Variants in LRP1B observed in about 807,000 individuals in gnomAD.
LRP1B encodes the protein LDL receptor related protein 1B.
A neutral mutation model predicts 556.6 loss-of-function variants in LRP1B; 217 were observed. That is an observed-to-expected ratio of 0.39 (90% CI 0.35 to 0.44). LRP1B has a LOEUF of 0.44. Ranked by LOEUF, LRP1B falls within the 20% of genes least tolerant of loss-of-function variation. The probability of loss-of-function intolerance (pLI) is 1.00; values close to 1 mark genes in which losing one functional copy is unlikely to be tolerated. For missense variants in LRP1B, 5,053 were observed against 5,620.8 expected, an observed-to-expected ratio of 0.90 and a Z score of 3.23; for synonymous variants, 2,047 against 1,865.8, an observed-to-expected ratio of 1.10 and a Z score of -2.50.
chr2:140,880,243 C>T (rs1294394366), intron 25 of LRP1B, among the ~76,000 whole-genome samples: 16 of 152,034 alleles, frequency 1.1e-4, no homozygotes, highest in South Asian at 2.1e-4. Flanking sequence ...CATGCAGTAG[C>T]GTAAAAATAA....
intron 20 of LRP1B, among the ~76,000 whole-genome samples, chr2:140,949,662 C>G (rs1182519868): frequency 6.6e-6 from 1 of 151,466 alleles, no homozygotes; most frequent in East Asian, 1.9e-4. Flanking sequence ...GTAAGTATGC[C>G]GGGCGCGGTG....
intron 50 of LRP1B, among the ~76,000 whole-genome samples, chr2:140,515,719 A>G (rs183813415): frequency 1.8e-4 from 28 of 152,210 alleles, no homozygotes; most frequent in African/African-American, 6.0e-4. Flanking sequence ...GTGTTCAGAA[A>G]TTATGAATCC....
At chr2:141,249,369 G>A (rs1225953862) in intron 4 of LRP1B, among the ~76,000 whole-genome samples, 1 of 152,140 alleles carries the variant, frequency 6.6e-6, no homozygotes, top group Non-Finnish European at 1.5e-5. Context: ...GGCCAAGGCG[G>A]GCAGATTACT....
chr2:140,396,830 G>C (rs1266924221), intron 66 of LRP1B, among the ~76,000 whole-genome samples: 2 of 152,138 alleles, frequency 1.3e-5, no homozygotes, highest in Non-Finnish European at 2.9e-5. Flanking sequence ...GGTGGTGTTT[G>C]GTTACGAGTT....
At chr2:141,648,317 AC>A (rs1689658539) in intron 2 of LRP1B, among the ~76,000 whole-genome samples, 1 of 152,178 alleles carries the variant, frequency 6.6e-6, no homozygotes, top group Non-Finnish European at 1.5e-5. Context: ...ATTAGAAAAA[AC>A]ATAAAATTAT....
chr2:141,611,055 G>A (rs1412468877), intron 2 of LRP1B, among the ~76,000 whole-genome samples: 1 of 152,148 alleles, frequency 6.6e-6, no homozygotes, highest in Admixed American at 6.6e-5. Context: ...AAGTGAGCAA[G>A]GAAGGATCTC....
chr2:141,551,952 C>G lies in LRP1B; in HGVS notation c.206-71419G>C, dbSNP rs186905506. ...ACTTAAAATTAAGATGCCTCTACCC[C>G]CTAAATAGCCTATTATTTGACTGTT... is the stretch of plus-strand genomic sequence containing the variant. On this transcript the variant is annotated intron_variant, in intron 2 of 90. Coordinates refer to ENST00000389484, the MANE Select transcript of LRP1B (RefSeq NM_018557.3). Among the ~76,000 whole-genome samples, 6 of 152,124 alleles carry G rather than the reference C, an allele frequency of 3.9e-5. No individual in the cohort carries two copies. In the East Asian group the frequency reaches 5.8e-4, roughly 15 times the overall value.
chr2:141,812,340 TA>T lies in LRP1B; in HGVS notation c.83-1940del, dbSNP rs1208313356. 6.6e-5 allele frequency among the ~76,000 whole-genome samples: 10 copies of T among 151,320 alleles called. No individual in the cohort carries two copies. In the South Asian group the frequency reaches 1.9e-3, roughly 28 times the overall value. On this transcript the variant is annotated intron_variant, in intron 1 of 90. Coordinates refer to ENST00000389484, the MANE Select transcript of LRP1B (RefSeq NM_018557.3). ...GTAATTATTAGTAATTATTAGTAAT[TA>T]CACTGGGACAACAGGTATAAACCAA...
At chr2:141,983,421 T>C (rs1702097716) in intron 1 of LRP1B, among the ~76,000 whole-genome samples, 1 of 152,174 alleles carries the variant, frequency 6.6e-6, no homozygotes. Flanking sequence ...TTTATGCCAA[T>C]GGCAGACAAC....
chr2:141,810,734 A>G (rs1234523006), intron 1 of LRP1B, among the ~76,000 whole-genome samples: 3 of 152,114 alleles, frequency 2.0e-5, no homozygotes, highest in Admixed American at 2.0e-4. Flanking sequence ...AAGATGTTGA[A>G]TCAAAGCAGA....
chr2:141,197,826 T>G (rs1403638843), intron 6 of LRP1B, among the ~76,000 whole-genome samples: 5 of 152,118 alleles, frequency 3.3e-5, no homozygotes, highest in Non-Finnish European at 7.4e-5. Flanking sequence ...TGGGATACAT[T>G]TAAGTTGTCT....
At chr2:141,404,183 C>A (rs997612677) in intron 3 of LRP1B, among the ~76,000 whole-genome samples, 1 of 152,126 alleles carries the variant, frequency 6.6e-6, no homozygotes, top group Non-Finnish European at 1.5e-5. Flanking sequence ...ATTCAAAGCC[C>A]CAACCAATAG....
chr2:140,999,178 T>C (rs1409774445), intron 15 of LRP1B, among the ~76,000 whole-genome samples: 2 of 152,110 alleles, frequency 1.3e-5, no homozygotes, highest in African/African-American at 4.8e-5. Flanking sequence ...TGAGTTACTA[T>C]ATTATTCCCC....
intron 1 of LRP1B, among the ~76,000 whole-genome samples, chr2:142,105,212 G>A (rs563482201): frequency 6.6e-6 from 1 of 152,236 alleles, no homozygotes; most frequent in African/African-American, 2.4e-5. Context: ...GCCAAGGAAC[G>A]TTTCATTTTA....
rs193269638 is a variant in LRP1B at position 141,600,468 on chromosome 2, G to A, written c.206-119935C>T. On this transcript the variant is annotated intron_variant, in intron 2 of 90. Coordinates refer to ENST00000389484, the MANE Select transcript of LRP1B (RefSeq NM_018557.3). Reference sequence around the variant, plus strand: ...ATGGTGGTGGTAGAACTGGGAAGAGGAGGGGATGGTGAGTTGTGAGTGATG... The same window carrying A: ...ATGGTGGTGGTAGAACTGGGAAGAGAAGGGGATGGTGAGTTGTGAGTGATG... 1.1e-4 allele frequency among the ~76,000 whole-genome samples: 17 copies of A among 152,300 alleles called. No homozygotes were observed. The East Asian group carries it at 2.9e-3, about 26-fold the overall frequency.
chr2:140,671,752 CCTTAA>C (rs1292448844), intron 41 of LRP1B, among the ~76,000 whole-genome samples: 2 of 152,100 alleles, frequency 1.3e-5, no homozygotes, highest in African/African-American at 2.4e-5. Context: ...ATCTCAATAT[CCTTAA>C]CTTAATTACA....
chr2:142,096,577 A>G (rs1307165984), intron 1 of LRP1B, among the ~76,000 whole-genome samples: 1 of 151,716 alleles, frequency 6.6e-6, no homozygotes, highest in South Asian at 2.1e-4. Context: ...AAGATCTTGA[A>G]TACAAAATTC....
chr2:141,145,546 T>TC (rs1701760288), intron 7 of LRP1B, among the ~76,000 whole-genome samples: 1 of 151,856 alleles, frequency 6.6e-6, no homozygotes, highest in South Asian at 2.1e-4. Context: ...TTTTTTTTTT[T>TC]TTTAGAGACA....
chr2:141,582,643 G>T (rs1686988686), intron 2 of LRP1B, among the ~76,000 whole-genome samples: 1 of 151,262 alleles, frequency 6.6e-6, no homozygotes, highest in South Asian at 2.1e-4. Context: ...ACTTTACCCT[G>T]GGAAGGTGTA....
Sources: gnomAD v4.1 joint callset for allele counts (sites outside exome capture counted in the v4.1 genomes callset) on GRCh38, gnomAD v4.1.1 for gene constraint, MANE v1.5 for transcripts, NCBI Gene and HGNC (gene_info 2026-07-23, HGNC 2026-07-21) for gene names.